MYO1E: variants seen among roughly 807,000 people sequenced by gnomAD.
The protein encoded by MYO1E is unconventional myosin-Ie.
MYO1E carries 68 observed loss-of-function variants against 151.1 expected under a neutral mutation model. That is an observed-to-expected ratio of 0.45 (90% CI 0.37 to 0.55). The LOEUF (loss-of-function observed/expected upper bound fraction) is 0.55. Among genes scored for constraint, MYO1E ranks in the 20% least tolerant of loss-of-function variants. The pLI is 0.00. For missense variants in MYO1E, 1,363 were observed against 1,389.3 expected, an observed-to-expected ratio of 0.98 and a Z score of 0.30; for synonymous variants, 601 against 501.7, an observed-to-expected ratio of 1.20 and a Z score of -2.64.
chr15:59,208,522 A>G, intron 14 of MYO1E, 159 bp downstream of exon 14: 1 of 840,702 alleles, frequency 1.2e-6, no homozygotes, highest in Non-Finnish European at 2.0e-6. Context: ...AAAATGCAGT[A>G]GTATATACAA....
chr15:59,299,369 T>A (rs999026855), intron 1 of MYO1E, among the ~76,000 whole-genome samples: 2 of 152,250 alleles, frequency 1.3e-5, no homozygotes, highest in Admixed American at 6.5e-5. Flanking sequence ...TGGCATTTTT[T>A]AAATAGCCGC....
At chr15:59,201,812 CAG>C in intron 16 of MYO1E, among the ~76,000 whole-genome samples, 1 of 152,306 alleles carries the variant, frequency 6.6e-6, no homozygotes, top group East Asian at 1.9e-4. Flanking sequence ...AGATTTCCTT[CAG>C]ACTTTGAGAC....
intron 1 of MYO1E, among the ~76,000 whole-genome samples, chr15:59,362,146 T>C (rs577484765): frequency 6.6e-6 from 1 of 152,202 alleles, no homozygotes; most frequent in African/African-American, 2.4e-5. Flanking sequence ...CTATATTTTT[T>C]AAAATAATAT....
rs113933149 is a variant in MYO1E at position 59,364,482 on chromosome 15, G to A, written c.3+8016C>T. ...AGTTATGACACACAGTGAGTAATCC[G>A]GCTACATGGGATTATAATACTGCCA... On this transcript the variant is annotated intron_variant, in intron 1 of 27. Coordinates refer to ENST00000288235, the MANE Select transcript of MYO1E (RefSeq NM_004998.4). Among the ~76,000 whole-genome samples the A allele has an allele frequency of 4.2e-3, 644 of 152,226 alleles. 4 individuals carry two copies. Among genetic ancestry groups the A allele is most frequent in the African/African-American group, 0.015 (609 of 41,546 alleles).
rs57488716 is a variant in MYO1E at position 59,236,352 on chromosome 15, G to GAAAA, written c.420+229_420+232dup. On this transcript the variant is annotated intron_variant, in intron 5 of 27. Coordinates refer to ENST00000288235, the MANE Select transcript of MYO1E (RefSeq NM_004998.4). Reference sequence around the variant, plus strand: ...CAGAGCAAGACTCTGTCTCAAAAAAGAAAAAAAAAAAATATATACACACAC... The same window carrying GAAAA: ...CAGAGCAAGACTCTGTCTCAAAAAAGAAAAAAAAAAAAAAAATATATACACACAC... Among the ~76,000 whole-genome samples the GAAAA allele has an allele frequency of 3.8e-3, 449 of 116,692 alleles. 19 individuals are homozygous for GAAAA. The highest frequency in any genetic ancestry group is 0.012 in the African/African-American group (373 of 30,328). 76.6% of individuals were successfully genotyped at this position (116,692 alleles called of 152,430 possible). A position where few individuals can be genotyped will look rare whatever the true frequency, so the allele number is the denominator to read the frequency against.
At chr15:59,247,724 T>C (rs1389671413) in intron 4 of MYO1E, among the ~76,000 whole-genome samples, 1 of 152,056 alleles carries the variant, frequency 6.6e-6, no homozygotes, top group African/African-American at 2.4e-5. Context: ...CCACCACAAA[T>C]CAGTTGAAAC....
intron 26 of MYO1E, among the ~76,000 whole-genome samples, chr15:59,141,348 T>A (rs1028804954): frequency 6.6e-6 from 1 of 152,184 alleles, no homozygotes; most frequent in African/African-American, 2.4e-5. Flanking sequence ...GTCCCTCATA[T>A]GAAAGTGTAA....
At chr15:59,166,532 G>A (rs1043675440) in intron 22 of MYO1E, among the ~76,000 whole-genome samples, 1 of 151,626 alleles carries the variant, frequency 6.6e-6, no homozygotes. Context: ...AAACACCAAG[G>A]AAAGTCCTGA....
intron 1 of MYO1E, among the ~76,000 whole-genome samples, chr15:59,361,455 G>A (rs2080884948): frequency 6.6e-6 from 1 of 152,054 alleles, no homozygotes; most frequent in Non-Finnish European, 1.5e-5. Context: ...TATGTCAACT[G>A]TCATTGAAAT....
At chr15:59,186,838 G>C (rs1244055300) in intron 18 of MYO1E, among the ~76,000 whole-genome samples, 6 of 152,260 alleles carry the variant, frequency 3.9e-5, no homozygotes, top group African/African-American at 1.4e-4. Context: ...AAATACAGTG[G>C]AACGCCACAG....
At chr15:59,281,090 C>T (rs766838890) in intron 1 of MYO1E, among the ~76,000 whole-genome samples, 6 of 152,228 alleles carry the variant, frequency 3.9e-5, no homozygotes, top group Non-Finnish European at 5.9e-5. Flanking sequence ...AAGGTCTTTA[C>T]GTAATTTCCT....
At chr15:59,185,262 T>G (rs1239952331) in intron 18 of MYO1E, among the ~76,000 whole-genome samples, 13 of 152,142 alleles carry the variant, frequency 8.5e-5, no homozygotes, top group Admixed American at 8.5e-4. Context: ...GATTGTTTCC[T>G]TTGCTGTGTG....
Position 59,236,716 on chromosome 15 carries a change from G to T in MYO1E, c.333-44C>A, listed in dbSNP as rs748561284. 2.7e-6 allele frequency: 4 copies of T among 1,465,312 alleles called. No homozygotes were observed. The South Asian group carries it at 3.4e-5, about 13-fold the overall frequency. The allele number at this position is 1,465,312 out of a possible 1,614,324, so 90.8% of individuals were successfully genotyped here. On this transcript the variant is annotated intron_variant, in intron 4 of 27. Coordinates refer to ENST00000288235, the MANE Select transcript of MYO1E (RefSeq NM_004998.4). ...AGAATCCACCTGAGAAGTGGATTGC[G>T]ACCAGCTCCCTTCCTTGTCTCCCCC...
intron 1 of MYO1E, among the ~76,000 whole-genome samples, chr15:59,345,082 A>T (rs1207841210): frequency 6.6e-6 from 1 of 152,204 alleles, no homozygotes; most frequent in Admixed American, 6.5e-5. Context: ...GGCTTGACCA[A>T]TCGGGTAGAC....
intron 17 of MYO1E, among the ~76,000 whole-genome samples, chr15:59,193,469 G>A (rs1285821597): frequency 5.3e-5 from 8 of 152,096 alleles, no homozygotes; most frequent in Non-Finnish European, 1.0e-4. Context: ...AAGGAGAAGC[G>A]GAACTATACA....
intron 7 of MYO1E, among the ~76,000 whole-genome samples, chr15:59,227,088 C>T (rs965407582): frequency 6.6e-6 from 1 of 152,206 alleles, no homozygotes; most frequent in African/African-American, 2.4e-5. Flanking sequence ...TGCAGGTCAC[C>T]TGTCTTCCCT....
chr15:59,256,033 C>T (rs899077164), intron 4 of MYO1E, among the ~76,000 whole-genome samples: 2 of 152,336 alleles, frequency 1.3e-5, no homozygotes, highest in Admixed American at 6.5e-5. Flanking sequence ...ATTCATCTGA[C>T]TAAACAGTGA....
chr15:59,138,197 CCTT>C lies in MYO1E; in HGVS notation c.3248_3250del (p.Glu1083del). 1 of 1,614,164 alleles carries C rather than the reference CCTT, an allele frequency of 6.2e-7. No individual in the cohort carries two copies. The highest frequency in any genetic ancestry group is 8.5e-7 in the Non-Finnish European group (1 of 1,180,028). On this transcript the variant is annotated inframe_deletion and splice_region_variant, in exon 27 of 28. Transcript: ENST00000288235. ...TCCCAGCCAACCAGCCACACACTTACCTTCTTTGATAATATCAATAATGTCATT... is the reference window on the plus strand; with the variant it reads ...TCCCAGCCAACCAGCCACACACTTACCTTTGATAATATCAATAATGTCATT...
intron 1 of MYO1E, among the ~76,000 whole-genome samples, chr15:59,371,610 G>A (rs1363032851): frequency 6.6e-6 from 1 of 152,120 alleles, no homozygotes; most frequent in Non-Finnish European, 1.5e-5. Flanking sequence ...ACAAGTCAAA[G>A]AGGCGGCCCC....
Sources: allele counts gnomAD v4.1 joint callset (sites outside exome capture counted in the v4.1 genomes callset), GRCh38; gene constraint gnomAD v4.1.1; transcripts MANE v1.5; gene names NCBI Gene and HGNC (gene_info 2026-07-23, HGNC 2026-07-21).